Variants in SOBP observed in about 807,000 individuals in gnomAD.
The protein encoded by SOBP is sine oculis binding protein homolog.
A neutral mutation model predicts 53.6 loss-of-function variants in SOBP; 4 were observed. The ratio of observed to expected loss-of-function variants is 0.07; its 90% CI spans 0.04 to 0.17. The LOEUF is 0.17. Ranked by LOEUF, SOBP falls within the 10% of genes least tolerant of loss-of-function variation. The pLI is 1.00. For synonymous variants in SOBP, 584 were observed against 522.6 expected (o/e 1.12, Z -1.60); for missense variants, 1,088 against 1,204.7 (o/e 0.90, Z 1.43).
At chr6:107,595,298 A>G (rs1305331460) in intron 5 of SOBP, among the ~76,000 whole-genome samples, 1 of 150,726 alleles carries the variant, frequency 6.6e-6, no homozygotes, top group Non-Finnish European at 1.5e-5. Flanking sequence ...TTTCAATATG[A>G]TACAAACATT....
chr6:107,588,434 T>G (rs1785634437), intron 5 of SOBP, among the ~76,000 whole-genome samples: 1 of 150,154 alleles, frequency 6.7e-6, no homozygotes, highest in Non-Finnish European at 1.5e-5. Context: ...TTCTGAAATT[T>G]TAACTTAACT....
intron 4 of SOBP, among the ~76,000 whole-genome samples, chr6:107,566,781 T>TA (rs1482174286): frequency 6.6e-6 from 1 of 152,212 alleles, no homozygotes; most frequent in African/African-American, 2.4e-5. Flanking sequence ...TATTCTAGCT[T>TA]ACGTTCCTGA....
rs747709784 is a variant in SOBP, at chr6:107,635,177, C to G, written c.2333C>G (p.Ser778Cys). 2.5e-6 allele frequency: 4 copies of G among 1,613,794 alleles called. No individual in the cohort carries two copies. The South Asian group carries it at 4.4e-5, about 18-fold the overall frequency. ...TCGGTCAAGGAGAATAACTGTGCTT[C>G]CAACTGCCACCTGGACGGGGAGGCG... ...LESVKENNCA[S>C]NCHLDGEAAK... is the part of the protein sequence containing the mutation. Residue 778 changes from serine (S) to cysteine (C), a missense_variant, in exon 6 of 7, where the codon TCC becomes TGC. Ser to Cys is a moderately radical substitution (Grantham distance 112). This residue lies in a region of SOBP where 665 missense variants were observed against 629.7 expected (regional missense o/e 1.06). Coordinates refer to ENST00000317357, the MANE Select transcript of SOBP (RefSeq NM_018013.4). The surrounding 1 kb of genome is among the most constrained non-coding windows in gnomAD (Gnocchi z 4.5).
chr6:107,587,251 C>A, intron 5 of SOBP, 76 bp downstream of exon 5: 1 of 1,125,680 alleles, frequency 8.9e-7, no homozygotes, highest in South Asian at 1.2e-5. Flanking sequence ...AGGGTTTGTT[C>A]ATGATTACAT....
intron 1 of SOBP, among the ~76,000 whole-genome samples, chr6:107,494,481 G>A (rs1379466546): frequency 6.6e-6 from 1 of 152,198 alleles, no homozygotes; most frequent in Non-Finnish European, 1.5e-5. Context: ...TTTGTGATCA[G>A]TAGCTACCAA....
At chr6:107,510,348 A>G (rs898590394) in intron 3 of SOBP, among the ~76,000 whole-genome samples, 5 of 152,204 alleles carry the variant, frequency 3.3e-5, no homozygotes, top group African/African-American at 1.2e-4. Flanking sequence ...GAGTCAGGCT[A>G]TGGACTTTGC....
intron 4 of SOBP, among the ~76,000 whole-genome samples, chr6:107,552,208 A>T (rs1039928779): frequency 6.6e-6 from 1 of 152,202 alleles, no homozygotes. Context: ...AAACCGAGCT[A>T]TGATCAGTTA....
intron 4 of SOBP, among the ~76,000 whole-genome samples, chr6:107,555,272 A>G (rs922981170): frequency 6.6e-6 from 1 of 152,144 alleles, no homozygotes; most frequent in Non-Finnish European, 1.5e-5. Context: ...ACAGCTATGA[A>G]TAACACATGA....
At chr6:107,651,090 A>G (rs567381415) in intron 6 of SOBP, among the ~76,000 whole-genome samples, 1 of 152,174 alleles carries the variant, frequency 6.6e-6, no homozygotes, top group African/African-American at 2.4e-5. Flanking sequence ...ACATGGCAAA[A>G]CCCTGTCTCT....
At chr6:107,551,253 T>C (rs1583202366) in intron 4 of SOBP, among the ~76,000 whole-genome samples, 1 of 152,272 alleles carries the variant, frequency 6.6e-6, no homozygotes, top group South Asian at 2.1e-4. Flanking sequence ...GAGGCTGTAA[T>C]TGCAGTTGCC....
chr6:107,573,490 C>G (rs146507146), intron 4 of SOBP, among the ~76,000 whole-genome samples: 2 of 152,208 alleles, frequency 1.3e-5, no homozygotes, highest in Admixed American at 1.3e-4. Context: ...TCATTTAATC[C>G]TTGCAACAAA....
chr6:107,497,915 C>T (rs1045554333), intron 1 of SOBP, among the ~76,000 whole-genome samples: 7 of 152,110 alleles, frequency 4.6e-5, no homozygotes, highest in African/African-American at 1.4e-4. Flanking sequence ...GCTTTTAATG[C>T]ATAGAGTCAA....
chr6:107,660,733 T>G lies in SOBP; in HGVS notation c.*2530T>G, dbSNP rs1772260553. Among the ~76,000 whole-genome samples the G allele has an allele frequency of 6.6e-6, 1 of 152,218 alleles. No homozygotes were observed. The highest frequency in any genetic ancestry group is 1.5e-5 in the Non-Finnish European group (1 of 68,036). On this transcript the variant is annotated 3_prime_UTR_variant, in exon 7 of 7. Coordinates refer to ENST00000317357, the MANE Select transcript of SOBP (RefSeq NM_018013.4). ...CATTGTAAATCTAGTTCAGTTCTCT[T>G]GTTCTACATATGAAAAAACAGAAGC...
chr6:107,503,013 A>G (rs900929029), intron 1 of SOBP, among the ~76,000 whole-genome samples: 1 of 152,174 alleles, frequency 6.6e-6, no homozygotes, highest in South Asian at 2.1e-4. Context: ...TGTCTGCCTC[A>G]GCCTTCCAAA....
In SOBP at chr6:107,506,346, TCAC is replaced by T; in HGVS notation, c.342_344del (p.Pro115del). On this transcript the variant is annotated inframe_deletion, in exon 3 of 7. Coordinates refer to ENST00000317357, the MANE Select transcript of SOBP (RefSeq NM_018013.4). Reference sequence around the variant, plus strand: ...TGCCACTGGAAATGGACTCAGTGACTCACCTGCAGGGTCAAAGGATCATGGCAG... The same window carrying T: ...TGCCACTGGAAATGGACTCAGTGACTCTGCAGGGTCAAAGGATCATGGCAG... 1 of 1,614,198 alleles carries T rather than the reference TCAC, an allele frequency of 6.2e-7. No homozygotes were observed. Among genetic ancestry groups the T allele is most frequent in the Non-Finnish European group, 8.5e-7 (1 of 1,180,018 alleles).
chr6:107,612,094 G>C (rs1329555542), intron 5 of SOBP, among the ~76,000 whole-genome samples: 1 of 152,176 alleles, frequency 6.6e-6, no homozygotes, highest in Non-Finnish European at 1.5e-5. Flanking sequence ...TAGTGAGATT[G>C]GACAATTTGG....
intron 4 of SOBP, among the ~76,000 whole-genome samples, chr6:107,566,759 A>C (rs1405806389): frequency 6.6e-6 from 1 of 152,318 alleles, no homozygotes; most frequent in Non-Finnish European, 1.5e-5. Flanking sequence ...CACCTGCTGC[A>C]GTCTCTTGGT....
At chr6:107,514,380 A>G (rs1006718889) in intron 3 of SOBP, 1 of 152,164 alleles carries the variant, frequency 6.6e-6, no homozygotes, top group Non-Finnish European at 1.5e-5. Flanking sequence ...TGGCACCTGA[A>G]ACTTAATATA....
intron 4 of SOBP, among the ~76,000 whole-genome samples, chr6:107,577,822 C>A (rs768553249): frequency 2.6e-5 from 4 of 152,026 alleles, no homozygotes; most frequent in Non-Finnish European, 5.9e-5. Context: ...GCCTGTAATC[C>A]CAGCACTTTG....
Sources: allele counts gnomAD v4.1 joint callset (sites outside exome capture counted in the v4.1 genomes callset), GRCh38; gene constraint gnomAD v4.1.1; regional missense constraint gnomAD v4.1.1; non-coding constraint Gnocchi (gnomAD v3.1); transcripts MANE v1.5; gene names NCBI Gene and HGNC (gene_info 2026-07-23, HGNC 2026-07-21).